The following FNDC3A variants were observed in gnomAD, a reference collection of about 807,000 sequenced individuals.
The protein encoded by FNDC3A is fibronectin type-III domain-containing protein 3A.
A neutral mutation model predicts 148.9 loss-of-function variants in FNDC3A; 32 were observed. The observed-to-expected ratio is 0.21, with a 90% CI of 0.16 to 0.29. The LOEUF (loss-of-function observed/expected upper bound fraction) is 0.29, where lower values mean the gene tolerates loss of function less well. Among genes scored for constraint, FNDC3A ranks in the 10% least tolerant of loss-of-function variants. FNDC3A has a pLI of 1.00. For synonymous variants in FNDC3A, 472 were observed against 473.6 expected, an observed-to-expected ratio of 1.00 and a Z score of 0.04; for missense variants, 1,191 against 1,452.8, an observed-to-expected ratio of 0.82 and a Z score of 2.93.
At chr13:49,048,177 C>G in intron 2 of FNDC3A, among the ~76,000 whole-genome samples, 1 of 152,046 alleles carries the variant, frequency 6.6e-6, no homozygotes, top group East Asian at 1.9e-4. Context: ...CAGTACCATG[C>G]TGTTTTGGTG....
chr13:49,138,307 C>T, intron 6 of FNDC3A, among the ~76,000 whole-genome samples: 1 of 152,022 alleles, frequency 6.6e-6, no homozygotes, highest in East Asian at 1.9e-4. Flanking sequence ...TCAGTGGTGG[C>T]TATAAGTTAC....
At chr13:49,111,745 C>G (rs1880591957) in intron 3 of FNDC3A, among the ~76,000 whole-genome samples, 1 of 149,112 alleles carries the variant, frequency 6.7e-6, no homozygotes, top group Non-Finnish European at 1.5e-5. Flanking sequence ...AAAAAAAAAT[C>G]TAACCATGTA....
intron 2 of FNDC3A, among the ~76,000 whole-genome samples, chr13:49,048,889 G>T (rs530742022): frequency 6.6e-6 from 1 of 152,066 alleles, no homozygotes; most frequent in Non-Finnish European, 1.5e-5. Context: ...TTCTTGTCTC[G>T]TTCCAGTTCT....
At chr13:49,007,413 A>G (rs542338027) in intron 2 of FNDC3A, among the ~76,000 whole-genome samples, 2 of 152,206 alleles carry the variant, frequency 1.3e-5, no homozygotes, top group African/African-American at 2.4e-5. Flanking sequence ...AAGATTTTCT[A>G]CTCACAAAAA....
chr13:49,150,545 T>G (rs1292674172), intron 8 of FNDC3A, among the ~76,000 whole-genome samples: 1 of 152,176 alleles, frequency 6.6e-6, no homozygotes, highest in Non-Finnish European at 1.5e-5. Flanking sequence ...AGGAGCATGT[T>G]GTTTAGTTTC....
At chr13:49,181,323 C>G (rs1401643464) in intron 14 of FNDC3A, among the ~76,000 whole-genome samples, 2 of 152,202 alleles carry the variant, frequency 1.3e-5, no homozygotes, top group Non-Finnish European at 2.9e-5. Context: ...CAATAGTTCT[C>G]AAAGTAGTCA....
intron 7 of FNDC3A, among the ~76,000 whole-genome samples, chr13:49,145,023 CT>C (rs1038257213): frequency 6.6e-6 from 1 of 151,980 alleles, no homozygotes; most frequent in Non-Finnish European, 1.5e-5. Context: ...CCCTATAGTT[CT>C]AGTTTTTTGC....
At chr13:49,190,217 T>C (rs1355917198) in intron 17 of FNDC3A, among the ~76,000 whole-genome samples, 1 of 152,182 alleles carries the variant, frequency 6.6e-6, no homozygotes. Flanking sequence ...AGAGTGTCTT[T>C]AAAAATAAAG....
At chr13:49,058,385 G>C (rs933613062) in intron 2 of FNDC3A, among the ~76,000 whole-genome samples, 1 of 152,104 alleles carries the variant, frequency 6.6e-6, no homozygotes, top group Non-Finnish European at 1.5e-5. Context: ...CCCAGGGTGT[G>C]GTGCAGGGCT....
At chr13:49,067,664 T>A (rs1456053154) in intron 2 of FNDC3A, among the ~76,000 whole-genome samples, 1 of 152,236 alleles carries the variant, frequency 6.6e-6, no homozygotes, top group African/African-American at 2.4e-5. Context: ...AATTTAATCA[T>A]TTCTTATTGA....
intron 2 of FNDC3A, among the ~76,000 whole-genome samples, chr13:49,048,816 CTT>C (rs1433571182): frequency 2.6e-5 from 4 of 152,070 alleles, no homozygotes; most frequent in African/African-American, 7.2e-5. Context: ...ATTTCTTTCT[CTT>C]GTCTGATTGC....
intron 5 of FNDC3A, among the ~76,000 whole-genome samples, chr13:49,134,438 A>G (rs1328179292): frequency 2.0e-5 from 3 of 152,096 alleles, no homozygotes; most frequent in Non-Finnish European, 4.4e-5. Context: ...ATCACTCATT[A>G]GCTGATGGAC....
intron 1 of FNDC3A, among the ~76,000 whole-genome samples, chr13:48,998,572 A>G (rs1309589754): frequency 6.6e-6 from 1 of 152,224 alleles, no homozygotes; most frequent in Non-Finnish European, 1.5e-5. Flanking sequence ...TCTGAAAAAA[A>G]TGTGAAATCT....
At chr13:49,067,136 A>G (rs1877321112) in intron 2 of FNDC3A, among the ~76,000 whole-genome samples, 2 of 152,190 alleles carry the variant, frequency 1.3e-5, no homozygotes, top group South Asian at 4.1e-4. Context: ...CTATTCTACT[A>G]AAAGGTCAGA....
intron 19 of FNDC3A, among the ~76,000 whole-genome samples, chr13:49,195,380 A>G (rs1456801137): frequency 6.6e-6 from 1 of 152,222 alleles, no homozygotes; most frequent in Non-Finnish European, 1.5e-5. Flanking sequence ...TCCCTGTGCA[A>G]TCGGATTTGG....
intron 24 of FNDC3A, among the ~76,000 whole-genome samples, 159 bp downstream of exon 24, chr13:49,202,125 C>T (rs940015043): frequency 6.6e-6 from 1 of 152,174 alleles, no homozygotes; most frequent in Non-Finnish European, 1.5e-5. Flanking sequence ...GAGAGTTCCA[C>T]TCAATAATAA....
rs1885710279 is a variant in FNDC3A, at chr13:49,188,573, G to A, written c.1884G>A (p.Leu628=). The A allele has an allele frequency of 1.2e-6, 2 of 1,613,934 alleles. No individual in the cohort carries two copies. The highest frequency in any genetic ancestry group is 2.2e-5 in the South Asian group (2 of 91,086). ...CCAGGGAACATCTTTGTGATCGACTGAATCCAGGCTGTTTCTATCGTTTAC... is the reference window on the plus strand; with the variant it reads ...CCAGGGAACATCTTTGTGATCGACTAAATCCAGGCTGTTTCTATCGTTTAC... ...GATREHLCDR[L]NPGCFYRLRV... Residue 628 remains leucine, a synonymous_variant, in exon 17 of 26, where the codon CTG becomes CTA. Coordinates refer to ENST00000492622, the MANE Select transcript of FNDC3A (RefSeq NM_001079673.2).
At chr13:49,138,242 T>G (rs1368908126) in intron 6 of FNDC3A, among the ~76,000 whole-genome samples, 3 of 152,180 alleles carry the variant, frequency 2.0e-5, no homozygotes, top group Non-Finnish European at 4.4e-5. Context: ...TGAGACCTGA[T>G]CATCGTTTTC....
chr13:49,175,665 A>G (rs753999014), intron 13 of FNDC3A, 124 bp downstream of exon 13: 33 of 595,164 alleles, frequency 5.5e-5, no homozygotes, highest in Non-Finnish European at 8.8e-5. Flanking sequence ...AGACAATTTG[A>G]CTTCCTCTCT....
Sources: allele counts gnomAD v4.1 joint callset (sites outside exome capture counted in the v4.1 genomes callset), GRCh38; gene constraint gnomAD v4.1.1; transcripts MANE v1.5; gene names NCBI Gene and HGNC (gene_info 2026-07-23, HGNC 2026-07-21).